The following RASSF6 variants were observed in gnomAD, a reference collection of about 807,000 sequenced individuals.
RASSF6 encodes ras association domain-containing protein 6.
RASSF6 carries 52 observed loss-of-function variants against 44.0 expected under a neutral mutation model. That is an observed-to-expected ratio of 1.18 (90% confidence interval 0.95 to 1.49). RASSF6 has a LOEUF of 1.49. Ranked by LOEUF, RASSF6 falls within the 40% of genes most tolerant of loss-of-function variation. RASSF6 has a pLI of 0.00. For synonymous variants in RASSF6, 162 were observed against 124.6 expected (o/e 1.30, Z -2.00); for missense variants, 464 against 393.3 (o/e 1.18, Z -1.52).
chr4:73,602,817 G>T (rs963622997), intron 2 of RASSF6, among the ~76,000 whole-genome samples: 5 of 152,192 alleles, frequency 3.3e-5, no homozygotes, highest in African/African-American at 1.2e-4. Flanking sequence ...GGCCAGGCGC[G>T]GTGGCTCATG....
intron 1 of RASSF6, among the ~76,000 whole-genome samples, chr4:73,618,367 T>C (rs979550288): frequency 6.8e-6 from 1 of 146,298 alleles, no homozygotes; most frequent in African/African-American, 2.5e-5. Context: ...TACGGTTAAG[T>C]AGATTAATCT....
At chr4:73,611,404 C>T (rs1726003168) in intron 2 of RASSF6, among the ~76,000 whole-genome samples, 1 of 152,098 alleles carries the variant, frequency 6.6e-6, no homozygotes, top group Non-Finnish European at 1.5e-5. Flanking sequence ...GTTTTTGGCC[C>T]TGGGGTTAAT....
intron 6 of RASSF6, among the ~76,000 whole-genome samples, chr4:73,583,492 A>G (rs990999982): frequency 3.3e-5 from 5 of 152,156 alleles, no homozygotes; most frequent in Admixed American, 2.6e-4. Context: ...TGTGTTATTC[A>G]TAGCCTAACA....
chr4:73,616,847 CG>C (rs563340526), intron 1 of RASSF6, among the ~76,000 whole-genome samples: 117 of 152,236 alleles, frequency 7.7e-4, no homozygotes, highest in Non-Finnish European at 6.0e-4. Flanking sequence ...ATCTCCAAAA[CG>C]AAACTGTTTT....
intron 3 of RASSF6, among the ~76,000 whole-genome samples, chr4:73,594,873 C>T (rs910710534): frequency 2.6e-5 from 4 of 152,066 alleles, no homozygotes; most frequent in Non-Finnish European, 5.9e-5. Flanking sequence ...AAAAGAAAAA[C>T]AAAACCCACT....
chr4:73,584,740 G>GT (rs1723942430), intron 6 of RASSF6, among the ~76,000 whole-genome samples: 1 of 152,034 alleles, frequency 6.6e-6, no homozygotes, highest in African/African-American at 2.4e-5. Flanking sequence ...CCTGAGCTCC[G>GT]TGCTGGCTGA....
At chr4:73,608,413 A>T (rs529349209) in intron 2 of RASSF6, among the ~76,000 whole-genome samples, 7 of 152,260 alleles carry the variant, frequency 4.6e-5, no homozygotes, top group African/African-American at 1.7e-4. Context: ...TATCAGATAT[A>T]AAAAAACCTA....
chr4:73,580,071 GTCCAT>G (rs1723509906), intron 8 of RASSF6, among the ~76,000 whole-genome samples: 1 of 135,064 alleles, frequency 7.4e-6, no homozygotes, highest in African/African-American at 2.8e-5. Context: ...CCCTTCCTGT[GTCCAT>G]GTGTTCTCAT....
chr4:73,585,351 A>G lies in RASSF6; in HGVS notation c.396T>C (p.Tyr132=), dbSNP rs1388374191. The change falls in exon 6 of 11, where the codon TAT becomes TAC. Residue 132 remains tyrosine, a synonymous_variant. Transcript: ENST00000307439. ...KRNSQEDYLS[Y]HSNTLKPHAK... The stretch of plus-strand genomic sequence containing the variant: ...CATGTGGCTTCAGGGTGTTGCTGTG[A>G]TAAGATAAATAGTCTGGGAAGAATA... 2.5e-6 allele frequency: 4 copies of G among 1,589,558 alleles called. No individual in the cohort carries two copies. The African/African-American group carries it at 5.4e-5, about 22-fold the overall frequency.
At chr4:73,603,867 T>G (rs987862695) in intron 2 of RASSF6, among the ~76,000 whole-genome samples, 78 of 152,238 alleles carry the variant, frequency 5.1e-4, no homozygotes, top group African/African-American at 1.8e-3. Context: ...TCCTCTTGTT[T>G]TAATAATGAC....
At chr4:73,596,670 A>T (rs1724961569) in intron 3 of RASSF6, among the ~76,000 whole-genome samples, 1 of 152,226 alleles carries the variant, frequency 6.6e-6, no homozygotes, top group Non-Finnish European at 1.5e-5. Context: ...AGCCAAGGCA[A>T]TCCTAAGCAA....
intron 2 of RASSF6, among the ~76,000 whole-genome samples, chr4:73,607,796 A>G (rs1391134922): frequency 6.6e-6 from 1 of 152,116 alleles, no homozygotes. Flanking sequence ...TGCAAGCTCC[A>G]CAAGAGTAGG....
At chr4:73,604,856 T>C (rs1455637675) in intron 2 of RASSF6, among the ~76,000 whole-genome samples, 1 of 151,972 alleles carries the variant, frequency 6.6e-6, no homozygotes, top group Non-Finnish European at 1.5e-5. Context: ...ATGTTATAAT[T>C]CTATATACCT....
Position 73,576,668 on chromosome 4 carries a change from T to A in RASSF6, c.785A>T (p.Glu262Val). The A allele has an allele frequency of 6.2e-7, 1 of 1,613,928 alleles. No individual in the cohort carries two copies. The highest frequency in any genetic ancestry group is 8.5e-7 in the Non-Finnish European group (1 of 1,179,846). The change falls in exon 9 of 11, where the codon GAA becomes GTA. Residue 262 changes from glutamate to valine, a missense_variant. Transcript: ENST00000307439. ...LLQRLLQGPSEKNARIFLMDK... is the reference protein window; with the variant it reads ...LLQRLLQGPSVKNARIFLMDK... The stretch of plus-strand genomic sequence containing the variant: ...CATGAGGAAAATGCGAGCATTCTTT[T>A]CAGAAGGTCCCTGTAGGAGCCTCTG...
rs112717255 is a variant in RASSF6 at position 73,615,953 on chromosome 4, C to T, written c.-34-4124G>A. 7.1e-4 allele frequency: 1,092 copies of T among 1,547,690 alleles called. 8 individuals are homozygous for T. In the African/African-American group the frequency reaches 0.013, roughly 19 times the overall value. ...AAGTGAATTCTAGTACAAATTAAATCAAATGGGTCAGTCATTTAAAGTAAC... is the reference window on the plus strand; with the variant it reads ...AAGTGAATTCTAGTACAAATTAAATTAAATGGGTCAGTCATTTAAAGTAAC... On this transcript the variant is annotated intron_variant, in intron 1 of 10. Coordinates refer to ENST00000307439, the MANE Select transcript of RASSF6 (RefSeq NM_177532.5).
intron 2 of RASSF6, 25 bp downstream of exon 2, chr4:73,611,706 T>C (rs747466416): frequency 1.4e-6 from 2 of 1,439,580 alleles, no homozygotes; most frequent in African/African-American, 1.4e-5. Flanking sequence ...AGTAGGACAA[T>C]GTATAATATA....
At chr4:73,615,832 C>T (rs559930646) in intron 1 of RASSF6, 80 of 1,372,656 alleles carry the variant, frequency 5.8e-5, no homozygotes, top group Middle Eastern at 1.8e-4. Flanking sequence ...AATGCTGGAA[C>T]GTGGTTCACC....
At chr4:73,610,793 C>T (rs139038985) in intron 2 of RASSF6, among the ~76,000 whole-genome samples, 11 of 152,320 alleles carry the variant, frequency 7.2e-5, no homozygotes, top group Non-Finnish European at 1.6e-4. Context: ...TATGTATTGA[C>T]TGCATCCCGA....
At chr4:73,578,029 T>TTTTCTTTATTCCTGGTCCCTAAAGG (rs148066158) in intron 8 of RASSF6, among the ~76,000 whole-genome samples, 1 of 151,908 alleles carries the variant, frequency 6.6e-6, no homozygotes, top group Non-Finnish European at 1.5e-5. Flanking sequence ...TGCTCTCTTC[T>TTTTCTTTATTCCTGGTCCCTAAAGG]GACCTAGTTA....
Sources: gnomAD v4.1 joint callset for allele counts (sites outside exome capture counted in the v4.1 genomes callset) on GRCh38, gnomAD v4.1.1 for gene constraint, MANE v1.5 for transcripts, NCBI Gene and HGNC (gene_info 2026-07-23, HGNC 2026-07-21) for gene names.